Variants in MYO1B observed in about 807,000 individuals in gnomAD.
MYO1B encodes myosin IB, also known as unconventional myosin-Ib.
Under a neutral mutation model 159.7 loss-of-function variants are expected in MYO1B, and 72 were observed. The observed-to-expected ratio is 0.45, with a 90% CI of 0.37 to 0.55. MYO1B has a LOEUF of 0.55. Among genes scored for constraint, MYO1B ranks in the 20% least tolerant of loss-of-function variants. The probability of loss-of-function intolerance (pLI) is 0.00; values close to 1 mark genes in which losing one functional copy is unlikely to be tolerated. For missense variants in MYO1B, 1,062 were observed against 1,364.8 expected, an observed-to-expected ratio of 0.78 and a Z score of 3.50; for synonymous variants, 468 against 473.8, an observed-to-expected ratio of 0.99 and a Z score of 0.16.
intron 28 of MYO1B, 145 bp from the exon 29 acceptor site, chr2:191,414,372 A>G: frequency 9.7e-7 from 1 of 1,028,066 alleles, no homozygotes; most frequent in South Asian, 2.0e-5. Context: ...AAAACATATT[A>G]TTTATGTTCT....
At chr2:191,375,833 C>T (rs1043050956) in intron 13 of MYO1B, among the ~76,000 whole-genome samples, 1 of 151,968 alleles carries the variant, frequency 6.6e-6, no homozygotes, top group African/African-American at 2.4e-5. Flanking sequence ...GTGGCATGCT[C>T]CTGTAGTCCC....
chr2:191,421,840 A>G (rs1220259258), intron 30 of MYO1B, among the ~76,000 whole-genome samples: 3 of 152,258 alleles, frequency 2.0e-5, no homozygotes, highest in Admixed American at 2.0e-4. Flanking sequence ...AATTTTCAAT[A>G]AACCTGAAAG....
chr2:191,416,301 A>C, intron 30 of MYO1B, 59 bp downstream of exon 30: 1 of 1,592,942 alleles, frequency 6.3e-7, no homozygotes, highest in Non-Finnish European at 8.6e-7. Context: ...GTTTTAGTTC[A>C]GCTCTCGATC....
intron 21 of MYO1B, among the ~76,000 whole-genome samples, chr2:191,397,873 T>C (rs1696244729): frequency 2.3e-5 from 3 of 131,730 alleles, no homozygotes; most frequent in Non-Finnish European, 3.3e-5. Flanking sequence ...GCAGAGGGGC[T>C]CCTCACTTCC....
chr2:191,415,047 T>G lies in MYO1B; in HGVS notation c.3159+378T>G, dbSNP rs565334672. On this transcript the variant is annotated intron_variant, in intron 29 of 30. Transcript: ENST00000392318. ...CAGTTAATTTTAACCTAAATAATTT[T>G]TAGTGTTCTGTGCCTTTAGCTTAAC... Among the ~76,000 whole-genome samples, 5 of 152,358 alleles carry G rather than the reference T, an allele frequency of 3.3e-5. No individual in the cohort carries two copies. In the South Asian group the frequency reaches 1.0e-3, roughly 32 times the overall value.
intron 23 of MYO1B, 85 bp downstream of exon 23, chr2:191,400,920 C>G (rs1457402471): frequency 2.3e-6 from 3 of 1,286,816 alleles, no homozygotes; most frequent in Non-Finnish European, 3.3e-6. Flanking sequence ...GGATGAATGA[C>G]TACAATTAAT....
At chr2:191,383,481 C>CTGT (rs1559220082) in intron 15 of MYO1B, 139 bp downstream of exon 15, 46 of 35,028 alleles carry the variant, frequency 1.3e-3, no homozygotes, top group Non-Finnish European at 1.8e-3. Context: ...TATACACACA[C>CTGT]ACATATATAT....
intron 3 of MYO1B, among the ~76,000 whole-genome samples, chr2:191,302,482 G>A (rs1235005328): frequency 6.6e-6 from 1 of 152,112 alleles, no homozygotes; most frequent in East Asian, 1.9e-4. Flanking sequence ...GCAGTATAAT[G>A]AGAATTTTTT....
intron 13 of MYO1B, among the ~76,000 whole-genome samples, chr2:191,379,492 A>G (rs1005113508): frequency 2.0e-5 from 3 of 152,176 alleles, no homozygotes; most frequent in African/African-American, 7.2e-5. Flanking sequence ...CTGGTTTCTA[A>G]TCTGCTTGTG....
At chr2:191,276,508 G>T (rs116227543) in intron 1 of MYO1B, among the ~76,000 whole-genome samples, 1 of 152,182 alleles carries the variant, frequency 6.6e-6, no homozygotes, top group Non-Finnish European at 1.5e-5. Context: ...GAGGAAGCAG[G>T]TTCATATAGT....
chr2:191,383,539 CACACACACAT>C (rs1437391986), intron 15 of MYO1B, among the ~76,000 whole-genome samples, 197 bp downstream of exon 15: 48 of 129,742 alleles, frequency 3.7e-4, no homozygotes, highest in East Asian at 9.2e-4. Context: ...CACACACACA[CACACACACAT>C]ATATATATAT....
intron 1 of MYO1B, among the ~76,000 whole-genome samples, chr2:191,264,700 C>T (rs1387938645): frequency 6.6e-6 from 1 of 151,614 alleles, no homozygotes; most frequent in African/African-American, 2.4e-5. Flanking sequence ...GAGCTGCTTT[C>T]CTTTGCCTCT....
chr2:191,350,155 T>C lies in MYO1B; in HGVS notation c.499-7T>C, dbSNP rs1388342230. On this transcript the variant is annotated splice_polypyrimidine_tract_variant and splice_region_variant and intron_variant, in intron 6 of 30. Coordinates refer to ENST00000392318, the MANE Select transcript of MYO1B (RefSeq NM_001130158.3). ...ACTAGAAAACTCACAAAATCTTTCT[T>C]TGGCAGGGCAAATATATGGATATTG... 5.0e-6 allele frequency: 8 copies of C among 1,612,326 alleles called. No homozygotes were observed. The highest frequency in any genetic ancestry group is 2.2e-5 in the East Asian group (1 of 44,678).
intron 5 of MYO1B, among the ~76,000 whole-genome samples, chr2:191,344,876 T>C (rs1364956168): frequency 7.2e-6 from 1 of 138,458 alleles, no homozygotes; most frequent in Non-Finnish European, 1.6e-5. Flanking sequence ...AAAAAGCCAC[T>C]CCACACAAAA....
chr2:191,387,568 C>T lies in MYO1B; in HGVS notation c.1781+118C>T, dbSNP rs377755760. ...AAGCAGAGGGTAACTAAAATACTTA[C>T]AGATTAAATAATACCTTATCTGGGA... On this transcript the variant is annotated intron_variant, in intron 17 of 30. Coordinates refer to ENST00000392318, the MANE Select transcript of MYO1B (RefSeq NM_001130158.3). 2.2e-5 allele frequency: 19 copies of T among 858,624 alleles called. No individual in the cohort carries two copies. The East Asian group carries it at 3.9e-4, about 18-fold the overall frequency. 53.2% of individuals were successfully genotyped at this position (858,624 alleles called of 1,614,324 possible). A position where few individuals can be genotyped will look rare whatever the true frequency, so the allele number is the denominator to read the frequency against.
chr2:191,271,428 C>T (rs529928119), intron 1 of MYO1B, among the ~76,000 whole-genome samples: 2 of 152,078 alleles, frequency 1.3e-5, no homozygotes, highest in Admixed American at 6.6e-5. Context: ...AATCCCAGCA[C>T]TTTGGAACTT....
chr2:191,315,103 A>G lies in MYO1B; in HGVS notation c.252-14832A>G, dbSNP rs368388394. 4.6e-5 allele frequency among the ~76,000 whole-genome samples: 7 copies of G among 152,144 alleles called. No individual in the cohort carries two copies. The East Asian group carries it at 1.4e-3, about 29-fold the overall frequency. Reference sequence around the variant, plus strand: ...CTCTTCTTATAAGGGTGGTTTGTATATTGTGAGGCAGATTCATCCACACCC... The same window carrying G: ...CTCTTCTTATAAGGGTGGTTTGTATGTTGTGAGGCAGATTCATCCACACCC... On this transcript the variant is annotated intron_variant, in intron 3 of 30. Coordinates refer to ENST00000392318, the MANE Select transcript of MYO1B (RefSeq NM_001130158.3).
At position 191,424,032 on chromosome 2, in the gene MYO1B, G is replaced by A. The variant is rs1698106593; in HGVS notation, c.*72G>A. ...GCAATTTGGTTTTGTTTTATTTGGG[G>A]TTCATTGTATGTTTGGGAATCACCA... On this transcript the variant is annotated 3_prime_UTR_variant, in exon 31 of 31. Coordinates refer to ENST00000392318, the MANE Select transcript of MYO1B (RefSeq NM_001130158.3). 1.2e-5 allele frequency: 18 copies of A among 1,513,538 alleles called. No homozygotes were observed. Among genetic ancestry groups the A allele is most frequent in the Non-Finnish European group, 1.5e-5 (17 of 1,122,600 alleles). 93.8% of individuals were successfully genotyped at this position (1,513,538 alleles called of 1,614,324 possible). A position where few individuals can be genotyped will look rare whatever the true frequency, so the allele number is the denominator to read the frequency against.
chr2:191,270,383 A>G (rs1017129471), intron 1 of MYO1B, among the ~76,000 whole-genome samples: 8 of 152,084 alleles, frequency 5.3e-5, no homozygotes, highest in African/African-American at 1.7e-4. Context: ...TTCCTTGAAA[A>G]TTTCAAAAGT....
Sources: gnomAD v4.1 joint callset for allele counts (sites outside exome capture counted in the v4.1 genomes callset) on GRCh38, gnomAD v4.1.1 for gene constraint, MANE v1.5 for transcripts, NCBI Gene and HGNC (gene_info 2026-07-23, HGNC 2026-07-21) for gene names.